LIPA: variants seen among roughly 807,000 people sequenced by gnomAD.
LIPA encodes lipase A, lysosomal acid type, also known as lysosomal acid lipase/cholesteryl ester hydrolase.
LIPA carries 26 observed loss-of-function variants against 40.6 expected under a neutral mutation model. The ratio of observed to expected loss-of-function variants is 0.64; its 90% CI spans 0.47 to 0.89. The LOEUF is 0.89. Among genes scored for constraint, LIPA ranks in the 40% least tolerant of loss-of-function variants. The pLI is 0.00. For synonymous variants in LIPA, 188 were observed against 168.4 expected (o/e 1.12, Z -0.90); for missense variants, 455 against 479.6 (o/e 0.95, Z 0.48).
chr10:89,353,266 G>C (rs559636363), intron 2 of LIPA, among the ~76,000 whole-genome samples: 1 of 152,308 alleles, frequency 6.6e-6, no homozygotes, highest in East Asian at 1.9e-4. Flanking sequence ...GTGGGCTCAA[G>C]CATGTGCACT....
chr10:89,341,993 T>C (rs993354529), intron 1 of LIPA, among the ~76,000 whole-genome samples: 1 of 152,234 alleles, frequency 6.6e-6, no homozygotes, highest in African/African-American at 2.4e-5. Context: ...GTAATGCATA[T>C]GTTAAATAAT....
chr10:89,339,099 G>A (rs1930054), intron 1 of LIPA: 1 of 1,614,074 alleles, frequency 6.2e-7, no homozygotes, highest in Middle Eastern at 1.6e-4. Context: ...CACAACTGAA[G>A]TGTGGAAGAA....
rs138537659 is a variant in LIPA at position 89,388,310 on chromosome 10, T to G, written c.61+24481A>C. 1.6e-3 allele frequency among the ~76,000 whole-genome samples: 240 copies of G among 152,288 alleles called. 1 individual carries two copies. The highest frequency in any genetic ancestry group is 2.9e-3 in the Non-Finnish European group (194 of 68,024). On this transcript the variant is annotated intron_variant, in intron 2 of 8. Coordinates refer to the LIPA transcript ENST00000371837. ...CAGTAGAGACAGGGTTTTGCCATGTTGGCCAGCATGGTCTCGAACCCCTGA... is the reference window on the plus strand; with the variant it reads ...CAGTAGAGACAGGGTTTTGCCATGTGGGCCAGCATGGTCTCGAACCCCTGA...
chr10:89,323,006 T>C (rs1031602458), intron 1 of LIPA, among the ~76,000 whole-genome samples: 2 of 152,092 alleles, frequency 1.3e-5, no homozygotes, highest in African/African-American at 4.8e-5. Context: ...TCAGGCAAGG[T>C]AGGCAACCCC....
intron 3 of LIPA, among the ~76,000 whole-genome samples, chr10:89,242,520 A>C (rs904517031): frequency 6.6e-6 from 1 of 152,216 alleles, no homozygotes; most frequent in Non-Finnish European, 1.5e-5. Context: ...AGCAAACATG[A>C]GCAGAGAAGC....
intron 5 of LIPA, among the ~76,000 whole-genome samples, chr10:89,225,800 G>T (rs192256682): frequency 6.6e-6 from 1 of 152,048 alleles, no homozygotes; most frequent in Non-Finnish European, 1.5e-5. Flanking sequence ...ATTGAATCAC[G>T]GAGGCGGTTC....
intron 1 of LIPA, among the ~76,000 whole-genome samples, chr10:89,311,936 C>T (rs1229887984): frequency 1.3e-5 from 2 of 152,096 alleles, no homozygotes; most frequent in Non-Finnish European, 1.5e-5. Context: ...ATCTGTATGA[C>T]GGAAATCCTC....
intron 8 of LIPA, among the ~76,000 whole-genome samples, chr10:89,220,109 A>G (rs1842678505): frequency 6.6e-6 from 1 of 152,238 alleles, no homozygotes; most frequent in Non-Finnish European, 1.5e-5. Flanking sequence ...AGAAGGGTGA[A>G]GCAACACAGG....
chr10:89,373,055 C>T (rs1268662349), intron 2 of LIPA, among the ~76,000 whole-genome samples: 4 of 151,092 alleles, frequency 2.6e-5, no homozygotes, highest in Non-Finnish European at 4.4e-5. Context: ...CACGTGGGGC[C>T]GGACGCGGTG....
chr10:89,348,407 T>C (rs1843937731), intron 2 of LIPA, among the ~76,000 whole-genome samples: 1 of 152,178 alleles, frequency 6.6e-6, no homozygotes, highest in South Asian at 2.1e-4. Context: ...CTGGAAAAAG[T>C]GTATACAAAA....
intron 1 of LIPA, among the ~76,000 whole-genome samples, chr10:89,264,912 G>A (rs190087263): frequency 6.6e-6 from 1 of 152,248 alleles, no homozygotes; most frequent in Non-Finnish European, 1.5e-5. Context: ...TGTCATCCAC[G>A]GCCCCTGGGC....
At chr10:89,252,269 G>C (rs1791298016), upstream of LIPA, among the ~76,000 whole-genome samples, 1 of 152,192 alleles carries the variant, frequency 6.6e-6, no homozygotes, top group African/African-American at 2.4e-5. Context: ...TTTGTTAAAA[G>C]AGGAAACAAT....
At chr10:89,408,612 C>T (rs1434650680) in intron 2 of LIPA, among the ~76,000 whole-genome samples, 1 of 152,160 alleles carries the variant, frequency 6.6e-6, no homozygotes, top group Non-Finnish European at 1.5e-5. Context: ...GTACATGTCC[C>T]CTGCTCCCTC....
At chr10:89,413,218 G>C (rs773261809) in intron 1 of LIPA, among the ~76,000 whole-genome samples, 2 of 152,172 alleles carry the variant, frequency 1.3e-5, no homozygotes, top group Non-Finnish European at 2.9e-5. Flanking sequence ...GTATACCTAA[G>C]TTATTCCAAA....
At chr10:89,239,881 T>A (rs1842945418) in intron 3 of LIPA, among the ~76,000 whole-genome samples, 1 of 152,192 alleles carries the variant, frequency 6.6e-6, no homozygotes, top group African/African-American at 2.4e-5. Flanking sequence ...ACCCAGGTCA[T>A]GTGACAAATG....
intron 1 of LIPA, among the ~76,000 whole-genome samples, chr10:89,250,251 C>G (rs1843100133): frequency 6.6e-6 from 1 of 151,902 alleles, no homozygotes; most frequent in Non-Finnish European, 1.5e-5. Context: ...AGGCGCCCAC[C>G]ACCACGCCTG....
chr10:89,235,039 A>T (rs1842887864), intron 3 of LIPA, among the ~76,000 whole-genome samples: 2 of 152,232 alleles, frequency 1.3e-5, no homozygotes, highest in South Asian at 4.1e-4. Flanking sequence ...GAAGGTTAAC[A>T]AGAGAGAAGT....
chr10:89,339,517 A>G (rs977795494), intron 1 of LIPA: 3 of 1,614,056 alleles, frequency 1.9e-6, no homozygotes. Flanking sequence ...CTACAAGGCA[A>G]AAGTAAGACA....
intron 1 of LIPA, among the ~76,000 whole-genome samples, chr10:89,305,630 T>A (rs1299814769): frequency 6.6e-6 from 1 of 152,010 alleles, no homozygotes; most frequent in Non-Finnish European, 1.5e-5. Flanking sequence ...TAAAACTACA[T>A]AAATAAAACC....
Sources: gnomAD v4.1 joint callset for allele counts (sites outside exome capture counted in the v4.1 genomes callset) on GRCh38, gnomAD v4.1.1 for gene constraint, MANE v1.5 for transcripts, NCBI Gene and HGNC (gene_info 2026-07-23, HGNC 2026-07-21) for gene names.